Variants in ARMH3 observed in about 807,000 individuals in gnomAD.
ARMH3 encodes armadillo-like helical domain-containing protein 3.
ARMH3 carries 60 observed loss-of-function variants against 99.1 expected under a neutral mutation model. The observed-to-expected ratio is 0.61, with a 90% CI of 0.49 to 0.75. The LOEUF (loss-of-function observed/expected upper bound fraction) is 0.75, where lower values mean the gene tolerates loss of function less well. Ranked by LOEUF, ARMH3 falls within the 30% of genes least tolerant of loss-of-function variation. The probability of loss-of-function intolerance (pLI) is 0.00; values close to 1 mark genes in which losing one functional copy is unlikely to be tolerated. For synonymous variants in ARMH3, 285 were observed against 292.8 expected (o/e 0.97, Z 0.27); for missense variants, 679 against 843.1 (o/e 0.81, Z 2.41).
Position 102,025,094 on chromosome 10 carries a change from A to G in ARMH3, c.507+62T>C, listed in dbSNP as rs181551702. 1.4e-5 allele frequency: 19 copies of G among 1,349,282 alleles called. No individual in the cohort carries two copies. The African/African-American group carries it at 1.9e-4, about 13-fold the overall frequency. 83.6% of individuals were successfully genotyped at this position (1,349,282 alleles called of 1,614,324 possible). A position where few individuals can be genotyped will look rare whatever the true frequency, so the allele number is the denominator to read the frequency against. On this transcript the variant is annotated intron_variant, in intron 6 of 25. Coordinates refer to ENST00000370033, the MANE Select transcript of ARMH3 (RefSeq NM_024541.3). The stretch of plus-strand genomic sequence containing the variant: ...CTTTTTCCTTCTATCTTTGGGCTCA[A>G]GTATTCAAACAGGATTGCCCCTCCT...
chr10:101,915,340 T>G (rs375494740), intron 23 of ARMH3, among the ~76,000 whole-genome samples: 1 of 152,222 alleles, frequency 6.6e-6, no homozygotes, highest in Non-Finnish European at 1.5e-5. Context: ...TCTTGCTAAA[T>G]GTAACCTACC....
At chr10:101,851,757 G>T (rs755112289) in intron 24 of ARMH3, among the ~76,000 whole-genome samples, 6 of 152,190 alleles carry the variant, frequency 3.9e-5, no homozygotes, top group Non-Finnish European at 8.8e-5. Flanking sequence ...AACAGCTAGG[G>T]CAAAGGGCTG....
chr10:101,855,908 C>T (rs1238606431), intron 24 of ARMH3, among the ~76,000 whole-genome samples: 1 of 151,816 alleles, frequency 6.6e-6, no homozygotes, highest in African/African-American at 2.4e-5. Flanking sequence ...AGTCATAAAA[C>T]TGGGATTATA....
At chr10:101,951,824 T>A (rs1844799329) in intron 22 of ARMH3, among the ~76,000 whole-genome samples, 1 of 146,606 alleles carries the variant, frequency 6.8e-6, no homozygotes, top group Non-Finnish European at 1.5e-5. Flanking sequence ...GCCAAGATTG[T>A]GCCACTGCAC....
chr10:101,963,657 C>T (rs1046382091), intron 20 of ARMH3, among the ~76,000 whole-genome samples: 1 of 151,718 alleles, frequency 6.6e-6, no homozygotes, highest in Non-Finnish European at 1.5e-5. Flanking sequence ...TGGAGTGCAA[C>T]GGCACGATCT....
intron 23 of ARMH3, among the ~76,000 whole-genome samples, chr10:101,897,383 A>G (rs1280370358): frequency 2.0e-5 from 3 of 152,232 alleles, no homozygotes; most frequent in African/African-American, 7.2e-5. Context: ...AAGTATGAAA[A>G]TAAAAATTAA....
At chr10:101,861,982 G>A (rs2066885111) in intron 24 of ARMH3, among the ~76,000 whole-genome samples, 1 of 144,820 alleles carries the variant, frequency 6.9e-6, no homozygotes, top group Non-Finnish European at 1.5e-5. Context: ...CTGGGAGGCG[G>A]AGCTTGCAGT....
chr10:101,997,825 T>TAAGAAAAAG, intron 15 of ARMH3, among the ~76,000 whole-genome samples: 1 of 152,168 alleles, frequency 6.6e-6, no homozygotes, highest in East Asian at 1.9e-4. Flanking sequence ...GATAAATATA[T>TAAGAAAAAG]AAGAAAAAGG....
At position 101,957,655 on chromosome 10, in the gene ARMH3, G is replaced by A. The variant is rs1408153892; in HGVS notation, c.1573C>T (p.Leu525Phe). The change falls in exon 21 of 26, where the codon CTT (leucine) becomes TTT (phenylalanine). Residue 525 changes from leucine to phenylalanine, a missense_variant. By Grantham distance (22) the Leu-to-Phe change is conservative. Transcript: ENST00000370033. The part of the protein sequence containing the change: ...LAKHNIFTLA[L>F]MIVNLFNMFI... ...GTATTTGTTTTGATACTCACCATAA[G>A]GGCTAATGTAAAAATGTTGTGTTTG... 1 of 1,608,548 alleles carries A rather than the reference G, an allele frequency of 6.2e-7. No homozygotes were observed. Among genetic ancestry groups the A allele is most frequent in the Non-Finnish European group, 8.5e-7 (1 of 1,178,234 alleles).
chr10:102,019,642 G>C (rs1404038081), intron 8 of ARMH3, among the ~76,000 whole-genome samples: 2 of 152,168 alleles, frequency 1.3e-5, no homozygotes, highest in East Asian at 3.9e-4. Flanking sequence ...ACTAAAAAAA[G>C]CTGGGCCGGG....
At chr10:102,010,056 G>C (rs2066597076) in intron 11 of ARMH3, 33 bp from the exon 12 acceptor site, 2 of 1,603,658 alleles carry the variant, frequency 1.2e-6, no homozygotes, top group Non-Finnish European at 1.7e-6. Context: ...CAAACTTATA[G>C]CAGGAGGATA....
intron 22 of ARMH3, among the ~76,000 whole-genome samples, chr10:101,941,606 C>A (rs567290718): frequency 2.0e-4 from 31 of 152,242 alleles, no homozygotes; most frequent in African/African-American, 7.2e-4. Context: ...TTTATAAATT[C>A]ATGCAATTTA....
chr10:101,996,937 CAAGT>C (rs1847086909), intron 15 of ARMH3, among the ~76,000 whole-genome samples: 1 of 151,924 alleles, frequency 6.6e-6, no homozygotes, highest in African/African-American at 2.4e-5. Context: ...AGAAAAATCC[CAAGT>C]AATAAAGGCT....
intron 1 of ARMH3, 129 bp from the exon 2 acceptor site, chr10:102,040,254 T>C (rs2136242414): frequency 1.3e-6 from 1 of 749,072 alleles, no homozygotes; most frequent in Non-Finnish European, 2.2e-6. Context: ...TAATGTAAAC[T>C]GTGGACTTTG....
intron 24 of ARMH3, among the ~76,000 whole-genome samples, chr10:101,885,754 T>C (rs1052022466): frequency 7.2e-5 from 11 of 152,138 alleles, no homozygotes; most frequent in African/African-American, 2.4e-4. Context: ...AACTGTACAC[T>C]TAAAAAGGGT....
chr10:101,851,844 G>C (rs778868219), intron 24 of ARMH3, among the ~76,000 whole-genome samples: 2 of 152,190 alleles, frequency 1.3e-5, no homozygotes, highest in Non-Finnish European at 2.9e-5. Context: ...TGTAGTATAG[G>C]CTGGTTCCTC....
intron 8 of ARMH3, among the ~76,000 whole-genome samples, chr10:102,020,674 T>C (rs1239138153): frequency 1.6e-5 from 2 of 122,282 alleles, no homozygotes. Flanking sequence ...CGACAGAGAC[T>C]CCATCTCAGA....
intron 24 of ARMH3, among the ~76,000 whole-genome samples, chr10:101,861,501 G>T (rs2066867609): frequency 6.6e-6 from 1 of 152,170 alleles, no homozygotes; most frequent in Non-Finnish European, 1.5e-5. Flanking sequence ...GGGAGGCTGA[G>T]GCGGACGGAT....
chr10:102,041,916 G>A (rs537597629), intron 1 of ARMH3, among the ~76,000 whole-genome samples: 3 of 152,220 alleles, frequency 2.0e-5, no homozygotes, highest in African/African-American at 4.8e-5. Flanking sequence ...CCAAAGTGCT[G>A]GGATTACAGG....
Sources: allele counts gnomAD v4.1 joint callset (sites outside exome capture counted in the v4.1 genomes callset), GRCh38; gene constraint gnomAD v4.1.1; transcripts MANE v1.5; gene names NCBI Gene and HGNC (gene_info 2026-07-23, HGNC 2026-07-21).